Variants in RPGRIP1 observed in about 807,000 individuals in gnomAD.
The protein encoded by RPGRIP1 is RPGR interacting protein 1, also known as X-linked retinitis pigmentosa GTPase regulator-interacting protein 1.
A neutral mutation model predicts 157.9 loss-of-function variants in RPGRIP1; 128 were observed. The observed-to-expected ratio is 0.81, with a 90% confidence interval of 0.70 to 0.94. RPGRIP1 has a LOEUF of 0.94. Ranked by LOEUF, RPGRIP1 falls within the 40% of genes least tolerant of loss-of-function variation. The pLI is 0.00. For missense variants in RPGRIP1, 1,486 were observed against 1,545.8 expected, an observed-to-expected ratio of 0.96 and a Z score of 0.65; for synonymous variants, 554 against 571.6, an observed-to-expected ratio of 0.97 and a Z score of 0.44.
At position 21,294,829 on chromosome 14, in the gene RPGRIP1, AATTTTT is replaced by A. The variant is rs1381052730; in HGVS notation, c.218+21_218+26del. On this transcript the variant is annotated intron_variant, in intron 3 of 24. Coordinates refer to ENST00000400017, the MANE Select transcript of RPGRIP1 (RefSeq NM_020366.4). Reference sequence around the variant, plus strand: ...CAAAAGGTACTTAGAGTTCTCCTTAAATTTTTTTTTTTTTTTTTTTTTTTTTTTTTT... The same window carrying A: ...CAAAAGGTACTTAGAGTTCTCCTTAATTTTTTTTTTTTTTTTTTTTTTTTT... 2 of 827,994 alleles carry A rather than the reference AATTTTT, an allele frequency of 2.4e-6. No individual in the cohort carries two copies. The highest frequency in any genetic ancestry group is 3.3e-6 in the Non-Finnish European group (2 of 612,596). 51.3% of individuals were successfully genotyped at this position (827,994 alleles called of 1,614,324 possible).
chr14:21,327,697 T>C lies in RPGRIP1; in HGVS notation c.2785T>C (p.Tyr929His). ...AGTGCAACTGGATTGGAAGTTTCCC[T>C]ACATACCCCCTGAGAGCTTCCTGAA... ...IQVQLDWKFP[Y>H]IPPESFLKPE... The change falls in exon 18 of 25, where the codon TAC becomes CAC. Residue 929 changes from tyrosine to histidine, a missense_variant. By Grantham distance (83) the Tyr-to-His change is moderately conservative. Transcript: ENST00000400017. The C allele has an allele frequency of 6.2e-7, 1 of 1,613,962 alleles. No homozygotes were observed. The highest frequency in any genetic ancestry group is 8.5e-7 in the Non-Finnish European group (1 of 1,179,854).
chr14:21,297,834 A>ATTCTCTTTCTTTCTTTCT (rs1880849390), intron 3 of RPGRIP1, among the ~76,000 whole-genome samples: 1 of 133,216 alleles, frequency 7.5e-6, no homozygotes, highest in Non-Finnish European at 1.5e-5. Flanking sequence ...TCAATAAATT[A>ATTCTCTTTCTTTCTTTCT]TTCTTTCTTT....
At chr14:21,338,025 TC>T (rs1884571935) in intron 21 of RPGRIP1, among the ~76,000 whole-genome samples, 1 of 152,164 alleles carries the variant, frequency 6.6e-6, no homozygotes, top group African/African-American at 2.4e-5. Flanking sequence ...CAAGCAATTC[TC>T]CTGTCTCACC....
rs200325360 is a variant in RPGRIP1 at position 21,324,759 on chromosome 14, C to G, written c.1904C>G (p.Ala635Gly). ...ENLFELHIHQ[A>G]FLTSAALAQA... ...CTTTTTGAACTGCACATCCACCAGGCCTTCCTGACATCTGCCGCCCTAGCT... is the reference window on the plus strand; with the variant it reads ...CTTTTTGAACTGCACATCCACCAGGGCTTCCTGACATCTGCCGCCCTAGCT... Residue 635 changes from alanine to glycine, a missense_variant, in exon 15 of 25, where the codon GCC becomes GGC. Coordinates refer to ENST00000400017, the MANE Select transcript of RPGRIP1 (RefSeq NM_020366.4). 1.9e-4 allele frequency: 299 copies of G among 1,613,942 alleles called. No individual in the cohort carries two copies. Among genetic ancestry groups the G allele is most frequent in the Middle Eastern group, 3.3e-4 (2 of 6,084 alleles).
At chr14:21,329,440 A>G (rs1175875493) in intron 19 of RPGRIP1, among the ~76,000 whole-genome samples, 1 of 151,894 alleles carries the variant, frequency 6.6e-6, no homozygotes, top group South Asian at 2.1e-4. Flanking sequence ...AATTCAGCAT[A>G]TTATGTACTC....
chr14:21,348,263 C>A lies in RPGRIP1; in HGVS notation c.3709C>A (p.Leu1237Met). 1 of 1,589,428 alleles carries A rather than the reference C, an allele frequency of 6.3e-7. No homozygotes were observed. The highest frequency in any genetic ancestry group is 1.2e-5 in the South Asian group (1 of 85,966). ...GYAYLQLWQI[L>M]ESGRDILEQE... ...TGCATATCTTCAACTGTGGCAGATCCTGGAGTCAGGAAGAGATATTCTAGA... is the reference window on the plus strand; with the variant it reads ...TGCATATCTTCAACTGTGGCAGATCATGGAGTCAGGAAGAGATATTCTAGA... Residue 1237 changes from leucine to methionine, a missense_variant, in exon 24 of 25, where the codon CTG becomes ATG. Leu to Met is a conservative substitution (Grantham distance 15). Coordinates refer to ENST00000400017, the MANE Select transcript of RPGRIP1 (RefSeq NM_020366.4).
At chr14:21,305,979 C>G (rs1485637026) in intron 6 of RPGRIP1, among the ~76,000 whole-genome samples, 1 of 152,010 alleles carries the variant, frequency 6.6e-6, no homozygotes, top group Non-Finnish European at 1.5e-5. Flanking sequence ...AAGATCTCTC[C>G]AGGTTATTCT....
chr14:21,306,291 C>T (rs1216852364), intron 6 of RPGRIP1, among the ~76,000 whole-genome samples: 3 of 150,922 alleles, frequency 2.0e-5, no homozygotes, highest in Non-Finnish European at 4.4e-5. Flanking sequence ...CACCACCACA[C>T]CTGGCTAATT....
Position 21,294,771 on chromosome 14 carries a change from G to A in RPGRIP1, c.180G>A (p.Val60=). ...GACTTCGCGAAGATCACATGTTGGT[G>A]AAGGAGCTTTCTTGGAAGCAACAGG... is the stretch of plus-strand genomic sequence containing the variant. ...FFRLREDHML[V]KELSWKQQDE... is the part of the protein sequence containing the mutation. Residue 60 remains valine (V), a synonymous_variant, in exon 3 of 25, where the codon GTG becomes GTA. Transcript: ENST00000400017. The A allele has an allele frequency of 1.2e-6, 2 of 1,601,472 alleles. No homozygotes were observed. The highest frequency in any genetic ancestry group is 1.7e-6 in the Non-Finnish European group (2 of 1,172,600).
chr14:21,337,190 T>C (rs1378545576), intron 21 of RPGRIP1, among the ~76,000 whole-genome samples: 2 of 152,152 alleles, frequency 1.3e-5, no homozygotes, highest in Non-Finnish European at 2.9e-5. Context: ...AGACAGTGAT[T>C]TAGATCCCAG....
chr14:21,341,041 TTTTG>T (rs76609139), intron 21 of RPGRIP1, among the ~76,000 whole-genome samples: 4 of 151,858 alleles, frequency 2.6e-5, no homozygotes, highest in East Asian at 1.9e-4. Context: ...AATATCGTTT[TTTTG>T]TTTGTTTGTT....
In RPGRIP1 at chr14:21,315,806, A is replaced by AT. The variant is rs1360256191; in HGVS notation, c.1152-1880dup. Among the ~76,000 whole-genome samples, 380 of 144,656 alleles carry AT rather than the reference A, an allele frequency of 2.6e-3. 3 individuals carry two copies. Among genetic ancestry groups the AT allele is most frequent in the Middle Eastern group, 0.014 (4 of 286 alleles). 94.9% of individuals were successfully genotyped at this position (144,656 alleles called of 152,430 possible). A position where few individuals can be genotyped will look rare whatever the true frequency, so the allele number is the denominator to read the frequency against. ...GTAGGTTATTATTATTATTATTATT[A>AT]TTTTTTTTTTGAGGCAGAGTCTCAC... is the stretch of plus-strand genomic sequence containing the variant. On this transcript the variant is annotated intron_variant, in intron 10 of 24. Transcript: ENST00000400017.
At position 21,327,659 on chromosome 14, in the gene RPGRIP1, A is replaced by G. The variant is rs745507144; in HGVS notation, c.2747A>G (p.Asn916Ser). The G allele has an allele frequency of 5.0e-6, 8 of 1,613,978 alleles. No homozygotes were observed. The East Asian group carries it at 1.1e-4, about 22-fold the overall frequency. ...FNLTDPAEKP[N>S]GSIQVQLDWK... ...CTCACTGACCCTGCAGAGAAACCCA[A>G]CGGATCTATTCAAGTGCAACTGGAT... Residue 916 changes from asparagine (N) to serine (S), a missense_variant, in exon 18 of 25, where the codon AAC (asparagine) becomes AGC (serine). Asn to Ser is a conservative substitution (Grantham distance 46). Transcript: ENST00000400017.
chr14:21,294,901 G>A, intron 3 of RPGRIP1, 92 bp downstream of exon 3: 2 of 1,140,022 alleles, frequency 1.8e-6, no homozygotes, highest in Non-Finnish European at 2.3e-6. Flanking sequence ...CTGGAATGCA[G>A]TGGCATGATC....
intron 23 of RPGRIP1, 34 bp from the exon 24 acceptor site, chr14:21,348,138 C>T (rs1396924303): frequency 1.3e-6 from 2 of 1,504,680 alleles, no homozygotes; most frequent in East Asian, 4.8e-5. Context: ...TTAAGAGTAT[C>T]AACAGTGCTG....
intron 19 of RPGRIP1, among the ~76,000 whole-genome samples, chr14:21,329,372 G>A (rs1429739644): frequency 6.6e-6 from 1 of 151,818 alleles, no homozygotes; most frequent in Non-Finnish European, 1.5e-5. Context: ...GCTAGCTTGT[G>A]TTTCCACAAA....
Position 21,294,761 on chromosome 14 carries a change from A to G in RPGRIP1, c.170A>G (p.His57Arg), listed in dbSNP as rs781081217. Residue 57 changes from histidine (H) to arginine (R), a missense_variant, in exon 3 of 25, where the codon CAC (histidine) becomes CGC (arginine). Transcript: ENST00000400017. Reference sequence around the variant, plus strand: ...AGTTTCTTTCGACTTCGCGAAGATCACATGTTGGTGAAGGAGCTTTCTTGG... The same window carrying G: ...AGTTTCTTTCGACTTCGCGAAGATCGCATGTTGGTGAAGGAGCTTTCTTGG... Reference protein sequence around the residue: ...EDSFFRLREDHMLVKELSWKQ... With the variant: ...EDSFFRLREDRMLVKELSWKQ... 10 of 1,609,678 alleles carry G rather than the reference A, an allele frequency of 6.2e-6. No individual in the cohort carries two copies. The highest frequency in any genetic ancestry group is 2.2e-5 in the East Asian group (1 of 44,540).
rs569606524 is a variant in RPGRIP1 at position 21,320,198 on chromosome 14, A to G, written c.1467+21A>G. On this transcript the variant is annotated intron_variant, in intron 12 of 24. Transcript: ENST00000400017. The stretch of plus-strand genomic sequence containing the variant: ...TCGAGGTAAGAGCCTCTTTAAACAA[A>G]CTAGTCCACTCTGCAGAGAGATCTC... 1.2e-4 allele frequency: 193 copies of G among 1,602,996 alleles called. 2 individuals carry two copies. In the South Asian group the frequency reaches 2.1e-3, roughly 17 times the overall value.
At chr14:21,328,698 T>C (rs560701777) in intron 19 of RPGRIP1, 71 bp downstream of exon 19, 22 of 1,119,936 alleles carry the variant, frequency 2.0e-5, no homozygotes, top group African/African-American at 3.1e-5. Context: ...TTCTCAGAGG[T>C]AGAAGCAGAA....
Sources: allele counts gnomAD v4.1 joint callset (sites outside exome capture counted in the v4.1 genomes callset), GRCh38; gene constraint gnomAD v4.1.1; transcripts MANE v1.5; gene names NCBI Gene and HGNC (gene_info 2026-07-23, HGNC 2026-07-21).